Variants in ZNF10 observed in about 807,000 individuals in gnomAD.
ZNF10 encodes zinc finger protein 10 (KOX 1).
In ZNF10, 8 loss-of-function variants were observed where a neutral mutation model predicts 12.2. The observed-to-expected ratio is 0.66, with a 90% CI of 0.39 to 1.18. The LOEUF (loss-of-function observed/expected upper bound fraction) is 1.18, where lower values mean the gene tolerates loss of function less well. ZNF10 is among the 50% of genes most tolerant of loss of function. The probability of loss-of-function intolerance (pLI) is 0.01; values close to 1 mark genes in which losing one functional copy is unlikely to be tolerated. For missense variants in ZNF10, 603 were observed against 678.9 expected (o/e 0.89, Z 1.24); for synonymous variants, 229 against 228.2 (o/e 1.00, Z -0.03).
In ZNF10 at chr12:133,140,202, CAAAAAAAAAAAAAAAAA is replaced by C. The variant is rs67577219; in HGVS notation, c.-59-4219_-59-4203del. Among the ~76,000 whole-genome samples, 6 of 35,212 alleles carry C rather than the reference CAAAAAAAAAAAAAAAAA, an allele frequency of 1.7e-4. No individual in the cohort carries two copies. The South Asian group carries it at 8.9e-3, about 52-fold the overall frequency. The allele number at this position is 35,212 out of a possible 152,430, so 23.1% of individuals were successfully genotyped here. A position where few individuals can be genotyped will look rare whatever the true frequency, so the allele number is the denominator to read the frequency against. On this transcript the variant is annotated intron_variant, in intron 1 of 4. Transcript: ENST00000248211. ...TGGATGACAGAGTAAGACCCTGTCT[CAAAAAAAAAAAAAAAAA>C]AAAAAAAAAAAAGCCAGGTGCAGTG...
intron 1 of ZNF10, among the ~76,000 whole-genome samples, chr12:133,131,267 A>ATT (rs147236631): frequency 2.6e-5 from 4 of 151,640 alleles, no homozygotes; most frequent in Admixed American, 2.0e-4. Context: ...TGGTTAATCT[A>ATT]TTTTTTTTAT....
chr12:133,155,753 T>G lies in ZNF10; in HGVS notation c.507T>G (p.Tyr169Ter). ...TQERVSESGK[Y>*]GGNCLLPAQL... Reference sequence around the variant, plus strand: ...AGAGAGTCTCTGAAAGTGGTAAATATGGGGGAAACTGTCTTCTTCCTGCTC... The same window carrying G: ...AGAGAGTCTCTGAAAGTGGTAAATAGGGGGGAAACTGTCTTCTTCCTGCTC... Residue 169 changes from tyrosine to a stop codon, truncating the protein, a stop_gained, in exon 5 of 5, where the codon TAT (tyrosine) becomes TAG (stop). Coordinates refer to ENST00000248211, the MANE Select transcript of ZNF10 (RefSeq NM_015394.5). LOFTEE classifies it low-confidence loss of function (END_TRUNC). 1 of 1,612,854 alleles carries G rather than the reference T, an allele frequency of 6.2e-7. No individual in the cohort carries two copies. The highest frequency in any genetic ancestry group is 8.5e-7 in the Non-Finnish European group (1 of 1,179,618).
rs748217299 is a variant in ZNF10 at position 133,156,204 on chromosome 12, C to T, written c.958C>T (p.Pro320Ser). 8 of 1,613,902 alleles carry T rather than the reference C, an allele frequency of 5.0e-6. No individual in the cohort carries two copies. The South Asian group carries it at 8.8e-5, about 18-fold the overall frequency. The change falls in exon 5 of 5, where the codon CCC (proline) becomes TCC (serine). Residue 320 changes from proline to serine, a missense_variant. This residue lies in a region of ZNF10 where 393 missense variants were observed against 399.7 expected (regional missense o/e 0.98). Coordinates refer to ENST00000248211, the MANE Select transcript of ZNF10 (RefSeq NM_015394.5). ...TCAAAAGACCCATACTGGTGAGGAA[C>T]CCTATGAATGTAAAGAATGTGGAAA... ...GHQKTHTGEE[P>S]YECKECGKSF...
intron 1 of ZNF10, chr12:133,143,773 C>T (rs1266939988): frequency 1.3e-5 from 2 of 152,264 alleles, no homozygotes; most frequent in Non-Finnish European, 2.9e-5. Context: ...GCGGTGCAAG[C>T]ACAGCATGGC....
chr12:133,148,521 A>G (rs1265723599), intron 2 of ZNF10, among the ~76,000 whole-genome samples: 1 of 152,164 alleles, frequency 6.6e-6, no homozygotes, highest in African/African-American at 2.4e-5. Context: ...TTATAAATTT[A>G]TATGTTACAT....
chr12:133,131,933 A>G (rs1391754582), intron 1 of ZNF10, among the ~76,000 whole-genome samples: 3 of 152,178 alleles, frequency 2.0e-5, no homozygotes, highest in Non-Finnish European at 4.4e-5. Flanking sequence ...CCTTCTGGAA[A>G]AGAGATTACA....
At chr12:133,140,601 G>C (rs1385774334) in intron 1 of ZNF10, among the ~76,000 whole-genome samples, 2 of 151,872 alleles carry the variant, frequency 1.3e-5, no homozygotes, top group African/African-American at 4.8e-5. Flanking sequence ...TTGTTGTTGG[G>C]GCAAGAGGTT....
chr12:133,133,343 C>T (rs1955891374), intron 1 of ZNF10, among the ~76,000 whole-genome samples: 1 of 152,164 alleles, frequency 6.6e-6, no homozygotes, highest in Admixed American at 6.5e-5. Flanking sequence ...AAGTGAAATG[C>T]GGTTCCTGAC....
Position 133,159,410 on chromosome 12 carries a change from T to C in ZNF10, c.*2442T>C, listed in dbSNP as rs1956060049. 1 of 152,246 alleles carries C rather than the reference T, an allele frequency of 6.6e-6. No homozygotes were observed. The highest frequency in any genetic ancestry group is 2.1e-4 in the South Asian group (1 of 4,832). The allele number at this position is 152,246 out of a possible 1,614,324, so 9.4% of individuals were successfully genotyped here. A position where few individuals can be genotyped will look rare whatever the true frequency, so the allele number is the denominator to read the frequency against. ...CAAAAGCATGATAAATAATTGTTAA[T>C]ATGGAATAAGCTCAAATATGTCAAA... On this transcript the variant is annotated 3_prime_UTR_variant, in exon 5 of 5. Coordinates refer to ENST00000248211, the MANE Select transcript of ZNF10 (RefSeq NM_015394.5).
chr12:133,157,617 TAAG>T lies in ZNF10; in HGVS notation c.*650_*652del, dbSNP rs1956050492. 6.6e-6 allele frequency: 1 copy of T among 152,246 alleles called. No individual in the cohort carries two copies. Among genetic ancestry groups the T allele is most frequent in the Non-Finnish European group, 1.5e-5 (1 of 68,036 alleles). 9.4% of individuals were successfully genotyped at this position (152,246 alleles called of 1,614,324 possible). ...AATTGAACAGAATTGATTTGTTAGATAAGGAGATTTTGACTGAGTTTTATAGTC... is the reference window on the plus strand; with the variant it reads ...AATTGAACAGAATTGATTTGTTAGATGAGATTTTGACTGAGTTTTATAGTC... On this transcript the variant is annotated 3_prime_UTR_variant, in exon 5 of 5. Transcript: ENST00000248211.
chr12:133,140,151 T>C (rs1333129763), intron 1 of ZNF10, among the ~76,000 whole-genome samples: 1 of 144,072 alleles, frequency 6.9e-6, no homozygotes, highest in Non-Finnish European at 1.5e-5. Flanking sequence ...TGCAGTGAGC[T>C]GTGTTCGTGC....
At chr12:133,134,383 G>A (rs933922198) in intron 1 of ZNF10, among the ~76,000 whole-genome samples, 3 of 152,108 alleles carry the variant, frequency 2.0e-5, no homozygotes, top group African/African-American at 7.2e-5. Context: ...GAAAGGCACA[G>A]AGAAATGTAT....
chr12:133,146,537 C>T (rs1955977315), intron 2 of ZNF10, among the ~76,000 whole-genome samples: 1 of 152,066 alleles, frequency 6.6e-6, no homozygotes, highest in Non-Finnish European at 1.5e-5. Context: ...AGTTGTGTAG[C>T]CCCCACTTCA....
chr12:133,143,483 G>A (rs1240381139), intron 1 of ZNF10: 1 of 151,908 alleles, frequency 6.6e-6, no homozygotes, highest in Non-Finnish European at 1.5e-5. Context: ...CTATAAGAAA[G>A]CTGAAAGAAT....
chr12:133,141,074 C>T (rs1328032122), intron 1 of ZNF10, among the ~76,000 whole-genome samples: 2 of 152,192 alleles, frequency 1.3e-5, no homozygotes, highest in Admixed American at 1.3e-4. Context: ...AAAACTCTTC[C>T]AATTCCTGGA....
chr12:133,131,922 A>G (rs1955880392), intron 1 of ZNF10, among the ~76,000 whole-genome samples: 1 of 152,208 alleles, frequency 6.6e-6, no homozygotes, highest in Non-Finnish European at 1.5e-5. Context: ...TATGAGGCTT[A>G]CCTTCTGGAA....
chr12:133,131,896 A>G (rs2137634832), intron 1 of ZNF10, among the ~76,000 whole-genome samples: 1 of 152,300 alleles, frequency 6.6e-6, no homozygotes, highest in Non-Finnish European at 1.5e-5. Context: ...TCTACTTAGG[A>G]CAATATTTAA....
rs1269359393 is a variant in ZNF10 at position 133,158,945 on chromosome 12, C to G, written c.*1977C>G. The stretch of plus-strand genomic sequence containing the variant: ...TGCTGCTCTTCTCACTGTGTACACA[C>G]CATGCCCACATACAACATACCTATC... On this transcript the variant is annotated 3_prime_UTR_variant, in exon 5 of 5. Coordinates refer to ENST00000248211, the MANE Select transcript of ZNF10 (RefSeq NM_015394.5). 1.3e-5 allele frequency: 2 copies of G among 152,218 alleles called. No homozygotes were observed. The highest frequency in any genetic ancestry group is 4.8e-5 in the African/African-American group (2 of 41,440). The allele number at this position is 152,218 out of a possible 1,614,324, so 9.4% of individuals were successfully genotyped here. A position where few individuals can be genotyped will look rare whatever the true frequency, so the allele number is the denominator to read the frequency against.
At chr12:133,135,995 G>C (rs1756221782) in intron 1 of ZNF10, among the ~76,000 whole-genome samples, 1 of 152,206 alleles carries the variant, frequency 6.6e-6, no homozygotes, top group South Asian at 2.1e-4. Flanking sequence ...TGTCCTCAAT[G>C]ATCATGGCCA....
Sources: gnomAD v4.1 joint callset for allele counts (sites outside exome capture counted in the v4.1 genomes callset) on GRCh38, gnomAD v4.1.1 for gene constraint, gnomAD v4.1.1 regional missense constraint, MANE v1.5 for transcripts, NCBI Gene and HGNC (gene_info 2026-07-23, HGNC 2026-07-21) for gene names.